The following EPC1 variants were observed in gnomAD, a reference collection of about 807,000 sequenced individuals.
The protein encoded by EPC1 is enhancer of polycomb 1.
Under a neutral mutation model 98.4 loss-of-function variants are expected in EPC1, and 12 were observed. The ratio of observed to expected loss-of-function variants is 0.12; its 90% confidence interval spans 0.08 to 0.20. The LOEUF is 0.20. EPC1 is among the 10% of genes least tolerant of loss of function. The pLI, the probability that EPC1 is intolerant of heterozygous loss-of-function variation, is 1.00. For missense variants in EPC1, 729 were observed against 990.5 expected (o/e 0.74, Z 3.54); for synonymous variants, 357 against 363.9 (o/e 0.98, Z 0.21).
chr10:32,320,960 C>T (rs996252035), intron 1 of EPC1, among the ~76,000 whole-genome samples: 1 of 152,192 alleles, frequency 6.6e-6, no homozygotes, highest in African/African-American at 2.4e-5. Context: ...CCATTCTCCT[C>T]CACAATATAT....
chr10:32,311,523 TA>T (rs199646001), intron 1 of EPC1, among the ~76,000 whole-genome samples: 10 of 148,746 alleles, frequency 6.7e-5, no homozygotes, highest in African/African-American at 2.0e-4. Context: ...TTCTAAGGCT[TA>T]AAAAAAAAAC....
intron 1 of EPC1, among the ~76,000 whole-genome samples, chr10:32,334,361 G>A (rs909918845): frequency 2.6e-5 from 4 of 151,806 alleles, no homozygotes; most frequent in African/African-American, 9.7e-5. Context: ...CTGTACTTAA[G>A]GAACATCCAA....
intron 10 of EPC1, chr10:32,284,101 G>C (rs950644562): frequency 6.6e-6 from 1 of 152,110 alleles, no homozygotes; most frequent in Non-Finnish European, 1.5e-5. Flanking sequence ...CTTTAAAACA[G>C]ACAGCTAAGA....
At chr10:32,309,445 A>G (rs1166849264) in intron 1 of EPC1, among the ~76,000 whole-genome samples, 1 of 151,776 alleles carries the variant, frequency 6.6e-6, no homozygotes, top group Non-Finnish European at 1.5e-5. Flanking sequence ...TTAAAAAATT[A>G]TCTATATTTT....
Position 32,286,846 on chromosome 10 carries a change from A to T in EPC1, c.1243-4T>A, listed in dbSNP as rs1456835162. On this transcript the variant is annotated splice_polypyrimidine_tract_variant and splice_region_variant and intron_variant, in intron 8 of 13. Transcript: ENST00000319778. ...TGCCAGTTTGGTCTAAGTGAGGCTT[A>T]AAAAAAAAAATCCAAATTATTTAAT... The T allele has an allele frequency of 4.4e-6, 5 of 1,145,878 alleles. No homozygotes were observed. Among genetic ancestry groups the T allele is most frequent in the Non-Finnish European group, 5.9e-6 (5 of 841,422 alleles). The allele number at this position is 1,145,878 out of a possible 1,614,324, so 71.0% of individuals were successfully genotyped here. A position where few individuals can be genotyped will look rare whatever the true frequency, so the allele number is the denominator to read the frequency against.
chr10:32,284,405 ATTGAAAAATATGATAAATC>A, intron 10 of EPC1: 1 of 255,684 alleles, frequency 3.9e-6, no homozygotes, highest in Non-Finnish European at 7.4e-6. Context: ...TTCTCATATT[ATTGAAAAATATGATAAATC>A]TTGTGGTTCA....
intron 1 of EPC1, among the ~76,000 whole-genome samples, chr10:32,363,982 A>T (rs987415707): frequency 1.7e-5 from 2 of 117,902 alleles, no homozygotes; most frequent in Non-Finnish European, 3.4e-5. Context: ...TTATAATAGT[A>T]TCGTGTCCAT....
At chr10:32,278,371 G>GTTTTTTTTTTTTTTTTTTTT (rs58729377) in intron 10 of EPC1, among the ~76,000 whole-genome samples, 1 of 102,598 alleles carries the variant, frequency 9.7e-6, no homozygotes, top group Non-Finnish European at 1.9e-5. Flanking sequence ...GTTTTTTTTT[G>GTTTTTTTTTTTTTTTTTTTT]TTTTTTTTTT....
intron 9 of EPC1, chr10:32,286,400 C>G: frequency 2.5e-6 from 1 of 405,748 alleles, no homozygotes; most frequent in South Asian, 4.6e-5. Context: ...AGGATTTACA[C>G]TTGTCTTCAT....
chr10:32,377,012 G>A (rs189361437), intron 1 of EPC1: 1 of 152,178 alleles, frequency 6.6e-6, no homozygotes, highest in Non-Finnish European at 1.5e-5. Context: ...TTTTGTTCTT[G>A]GGAGGCTTTG....
At chr10:32,288,616 G>T (rs1836825422) in intron 6 of EPC1, among the ~76,000 whole-genome samples, 1 of 152,014 alleles carries the variant, frequency 6.6e-6, no homozygotes, top group South Asian at 2.1e-4. Context: ...CTCCCAAAGT[G>T]TTGGGATTAT....
upstream of EPC1, among the ~76,000 whole-genome samples, chr10:32,350,147 C>G (rs1363036685): frequency 1.2e-4 from 19 of 152,132 alleles, no homozygotes; most frequent in Admixed American, 1.2e-3. Flanking sequence ...TATGCTAGGG[C>G]AAAGGTGAAT....
Position 32,346,756 on chromosome 10 carries a change from C to T in EPC1, c.153+7G>A. On this transcript the variant is annotated splice_region_variant and intron_variant, in intron 1 of 13. Transcript: ENST00000319778. Reference sequence around the variant, plus strand: ...ACGGTGGGTCGGACAGGGGAGTTAACACGTACCGACTCCTCTTCCTTCTCC... The same window carrying T: ...ACGGTGGGTCGGACAGGGGAGTTAATACGTACCGACTCCTCTTCCTTCTCC... The T allele has an allele frequency of 6.2e-7, 1 of 1,613,752 alleles. No individual in the cohort carries two copies. Among genetic ancestry groups the T allele is most frequent in the Non-Finnish European group, 8.5e-7 (1 of 1,179,756 alleles).
chr10:32,352,341 C>G (rs1337041363), intron 1 of EPC1, among the ~76,000 whole-genome samples: 1 of 152,054 alleles, frequency 6.6e-6, no homozygotes, highest in African/African-American at 2.4e-5. Context: ...GCCACTGCGC[C>G]CCGCCCAGCT....
chr10:32,365,701 C>T (rs1409810841), intron 1 of EPC1, among the ~76,000 whole-genome samples: 1 of 150,312 alleles, frequency 6.7e-6, no homozygotes, highest in African/African-American at 2.5e-5. Context: ...CACCTGTAAT[C>T]TCTGCTATTT....
At chr10:32,321,931 G>A (rs922187865) in intron 1 of EPC1, among the ~76,000 whole-genome samples, 21 of 151,528 alleles carry the variant, frequency 1.4e-4, no homozygotes, top group Admixed American at 1.3e-3. Flanking sequence ...CAGCATCCTA[G>A]GTATAAGGAT....
At chr10:32,345,685 G>A in intron 1 of EPC1, 1 of 943,674 alleles carries the variant, frequency 1.1e-6, no homozygotes, top group South Asian at 4.9e-5. Context: ...CCACAACAAG[G>A]TAAAGCCACA....
intron 1 of EPC1, 23 bp downstream of exon 1, chr10:32,346,740 C>G: frequency 6.2e-7 from 1 of 1,607,002 alleles, no homozygotes; most frequent in Non-Finnish European, 8.5e-7. Flanking sequence ...GACGGTGGGT[C>G]GGACAGGGGA....
chr10:32,371,104 C>T (rs1839736258), intron 1 of EPC1, among the ~76,000 whole-genome samples: 1 of 152,158 alleles, frequency 6.6e-6, no homozygotes, highest in Admixed American at 6.5e-5. Flanking sequence ...TGTTTCTTGA[C>T]AAATGAATGA....
Sources: gnomAD v4.1 joint callset for allele counts (sites outside exome capture counted in the v4.1 genomes callset) on GRCh38, gnomAD v4.1.1 for gene constraint, MANE v1.5 for transcripts, NCBI Gene and HGNC (gene_info 2026-07-23, HGNC 2026-07-21) for gene names.